Variants in C1D observed in about 807,000 individuals in gnomAD.
C1D encodes the protein C1D nuclear receptor corepressor.
In C1D, 10 loss-of-function variants were observed where a neutral mutation model predicts 17.5. The observed-to-expected ratio is 0.57, with a 90% CI of 0.35 to 0.97. C1D has a LOEUF of 0.97. Ranked by LOEUF, C1D falls within the 50% of genes least tolerant of loss-of-function variation. The probability of loss-of-function intolerance (pLI) is 0.01; values close to 1 mark genes in which losing one functional copy is unlikely to be tolerated. For missense variants in C1D, 136 were observed against 160.1 expected, an observed-to-expected ratio of 0.85 and a Z score of 0.81; for synonymous variants, 49 against 54.0, an observed-to-expected ratio of 0.91 and a Z score of 0.40.
At chr2:68,045,034 T>G (rs1671080051) in intron 4 of C1D, among the ~76,000 whole-genome samples, 1 of 152,192 alleles carries the variant, frequency 6.6e-6, no homozygotes, top group Non-Finnish European at 1.5e-5. Flanking sequence ...TTTAAATATT[T>G]TTCACAATTG....
intron 1 of C1D, among the ~76,000 whole-genome samples, chr2:68,059,427 A>C (rs17034892): frequency 0.051 from 7,755 of 152,156 alleles, 363 homozygotes; most frequent in East Asian, 0.28. Context: ...CAATCCTTTA[A>C]AACCCACCTC....
chr2:68,050,989 A>G (rs1004819943), intron 1 of C1D, among the ~76,000 whole-genome samples: 5 of 152,086 alleles, frequency 3.3e-5, no homozygotes, highest in Non-Finnish European at 7.4e-5. Flanking sequence ...TCTTTAATAC[A>G]CACCCAGAAT....
Position 68,046,346 on chromosome 2 carries a change from C to T in C1D, c.203G>A (p.Trp68Ter). ...TAATTCCAAAGTAACACACATACCC[C>T]AAAACATTGAATTTAATGTGTATGC... is the stretch of plus-strand genomic sequence containing the variant. ...VSAYTLNSMF[W>*]VYLATQGVNP... Residue 68 changes from tryptophan (W) to a stop codon, truncating the protein, a stop_gained and splice_region_variant, in exon 3 of 5, where the codon TGG (tryptophan) becomes TAG (stop). Transcript: ENST00000410067. LOFTEE classifies it high-confidence loss of function. 6.2e-7 allele frequency: 1 copy of T among 1,608,328 alleles called. No individual in the cohort carries two copies. The highest frequency in any genetic ancestry group is 8.5e-7 in the Non-Finnish European group (1 of 1,176,034).
At chr2:68,054,048 G>A (rs550935681) in intron 1 of C1D, among the ~76,000 whole-genome samples, 1 of 152,090 alleles carries the variant, frequency 6.6e-6, no homozygotes, top group Non-Finnish European at 1.5e-5. Flanking sequence ...TGCTCCTTGA[G>A]GGGCTGTGTC....
chr2:68,051,007 T>C lies in C1D; in HGVS notation c.-9-3688A>G, dbSNP rs552599664. On this transcript the variant is annotated intron_variant, in intron 1 of 4. Transcript: ENST00000410067. Reference sequence around the variant, plus strand: ...TTAATACACACCCAGAATCTAGCCATGTCCTACCACCTCTACTGCTACTAT... The same window carrying C: ...TTAATACACACCCAGAATCTAGCCACGTCCTACCACCTCTACTGCTACTAT... Among the ~76,000 whole-genome samples, 85 of 152,352 alleles carry C rather than the reference T, an allele frequency of 5.6e-4. 2 individuals are homozygous for C. In the South Asian group the frequency reaches 0.017, roughly 30 times the overall value.
At chr2:68,046,454 G>GAA in intron 2 of C1D, 44 bp from the exon 3 acceptor site, 1 of 1,312,452 alleles carries the variant, frequency 7.6e-7, no homozygotes, top group Non-Finnish European at 1.1e-6. Context: ...AAGTGAGACA[G>GAA]AAAAAAAATA....
chr2:68,043,306 A>C (rs911701509), intron 4 of C1D, among the ~76,000 whole-genome samples: 3 of 152,138 alleles, frequency 2.0e-5, no homozygotes, highest in African/African-American at 7.2e-5. Flanking sequence ...TTAGAATCAC[A>C]CTAAGACATT....
chr2:68,049,150 T>C (rs1376098635), intron 1 of C1D, among the ~76,000 whole-genome samples: 1 of 151,458 alleles, frequency 6.6e-6, no homozygotes, highest in Non-Finnish European at 1.5e-5. Context: ...TGAGCCAAGA[T>C]TGTGCCACTA....
intron 1 of C1D, among the ~76,000 whole-genome samples, chr2:68,056,466 G>A (rs758335318): frequency 6.6e-6 from 1 of 151,612 alleles, no homozygotes; most frequent in Non-Finnish European, 1.5e-5. Context: ...AAAAATGCAG[G>A]CAAAATAAAC....
At chr2:68,056,109 ATT>A (rs780435013) in intron 1 of C1D, among the ~76,000 whole-genome samples, 2 of 152,186 alleles carry the variant, frequency 1.3e-5, no homozygotes, top group African/African-American at 2.4e-5. Flanking sequence ...TAGAGTGTCT[ATT>A]TATTTCAAGA....
rs201464303 is a variant in C1D at position 68,046,586 on chromosome 2, GT to G, written c.139-177del. On this transcript the variant is annotated intron_variant, in intron 2 of 4. Transcript: ENST00000410067. ...ATCTGAAAATAATTTGTAAAAAGAA[GT>G]TTTCTTAATGAGTGACTTTTGTCCA... The G allele has an allele frequency of 3.0e-3, 1,540 of 517,392 alleles. 22 individuals carry two copies. The highest frequency in any genetic ancestry group is 0.028 in the African/African-American group (1,426 of 51,190). The allele number at this position is 517,392 out of a possible 1,614,324, so 32.1% of individuals were successfully genotyped here.
At chr2:68,047,011 CTTTTG>C (rs1370235828) in intron 2 of C1D, among the ~76,000 whole-genome samples, 157 bp downstream of exon 2, 2 of 151,882 alleles carry the variant, frequency 1.3e-5, no homozygotes, top group African/African-American at 4.8e-5. Context: ...CTGGAGTTTT[CTTTTG>C]TTTTGTTTCC....
In C1D at chr2:68,041,856, C is replaced by A. The variant is rs757444410; in HGVS notation, c.*1033G>T. On this transcript the variant is annotated 3_prime_UTR_variant, in exon 5 of 5. Transcript: ENST00000410067. ...GCATTAAGGGCATATAATTAAAATT[C>A]ATGGGCTTAGACATTTAAAAAAAGG... 9 of 151,966 alleles carry A rather than the reference C, an allele frequency of 5.9e-5. No homozygotes were observed. Among genetic ancestry groups the A allele is most frequent in the Non-Finnish European group, 1.3e-4 (9 of 67,872 alleles). 9.4% of individuals were successfully genotyped at this position (151,966 alleles called of 1,614,324 possible).
chr2:68,058,640 G>A (rs1318805506), intron 1 of C1D, among the ~76,000 whole-genome samples: 2 of 152,110 alleles, frequency 1.3e-5, no homozygotes, highest in Non-Finnish European at 2.9e-5. Flanking sequence ...TCCCATCAGT[G>A]GATTTGTGTG....
chr2:68,060,730 T>C (rs1466609923), intron 1 of C1D, among the ~76,000 whole-genome samples: 1 of 151,740 alleles, frequency 6.6e-6, no homozygotes, highest in Non-Finnish European at 1.5e-5. Context: ...GACAATAAAG[T>C]AAAATAAAAT....
chr2:68,057,439 G>T (rs969043968), intron 1 of C1D, among the ~76,000 whole-genome samples: 1 of 152,212 alleles, frequency 6.6e-6, no homozygotes, highest in African/African-American at 2.4e-5. Flanking sequence ...TTAGAGGCGT[G>T]AGCCACCACG....
Position 68,046,015 on chromosome 2 carries a change from A to C in C1D, c.234T>G (p.Pro78=). ...WVYLATQGVN[P]KEHPVKQELE... The stretch of plus-strand genomic sequence containing the variant: ...ATTCCTGTTTTACTGGATGTTCCTT[A>C]GGATTAACTCCTTGGGTTGCCAAAT... The change falls in exon 4 of 5, where the codon CCT becomes CCG. Residue 78 remains proline (P), a synonymous_variant. Transcript: ENST00000410067. 3 of 1,590,484 alleles carry C rather than the reference A, an allele frequency of 1.9e-6. No homozygotes were observed. Among genetic ancestry groups the C allele is most frequent in the Non-Finnish European group, 1.7e-6 (2 of 1,168,406 alleles).
chr2:68,056,524 G>A (rs759611579), intron 1 of C1D, among the ~76,000 whole-genome samples: 3 of 151,606 alleles, frequency 2.0e-5, no homozygotes, highest in Non-Finnish European at 4.4e-5. Flanking sequence ...ACTAAAAAAA[G>A]ACATATGCAA....
In C1D at chr2:68,046,616, A is replaced by G. The variant is rs1671129437; in HGVS notation, c.139-206T>C. The G allele has an allele frequency of 1.0e-5, 5 of 502,278 alleles. No individual in the cohort carries two copies. The South Asian group carries it at 1.2e-4, about 12-fold the overall frequency. The allele number at this position is 502,278 out of a possible 1,614,324, so 31.1% of individuals were successfully genotyped here. A position where few individuals can be genotyped will look rare whatever the true frequency, so the allele number is the denominator to read the frequency against. ...CTTAATGAGTGACTTTTGTCCACAC[A>G]TTTTCACCTTAGGGTATCATCTTTA... is the stretch of plus-strand genomic sequence containing the variant. On this transcript the variant is annotated intron_variant, in intron 2 of 4. Coordinates refer to ENST00000410067, the MANE Select transcript of C1D (RefSeq NM_173177.3).
Sources: gnomAD v4.1 joint callset for allele counts (sites outside exome capture counted in the v4.1 genomes callset) on GRCh38, gnomAD v4.1.1 for gene constraint, MANE v1.5 for transcripts, NCBI Gene and HGNC (gene_info 2026-07-23, HGNC 2026-07-21) for gene names.